ASH1L: variants seen among roughly 807,000 people sequenced by gnomAD.
ASH1L encodes the protein histone-lysine N-methyltransferase ASH1L.
Under a neutral mutation model 269.0 loss-of-function variants are expected in ASH1L, and 23 were observed. The observed-to-expected ratio is 0.09, with a 90% CI of 0.06 to 0.12. ASH1L has a LOEUF of 0.12. Among genes scored for constraint, ASH1L ranks in the 10% least tolerant of loss-of-function variants. The pLI, the probability that ASH1L is intolerant of heterozygous loss-of-function variation, is 1.00. For missense variants in ASH1L, 2,912 were observed against 3,567.8 expected, an observed-to-expected ratio of 0.82 and a Z score of 4.68; for synonymous variants, 1,187 against 1,253.5, an observed-to-expected ratio of 0.95 and a Z score of 1.12.
chr1:155,348,806 G>T (rs573364322), intron 19 of ASH1L, among the ~76,000 whole-genome samples: 2 of 151,606 alleles, frequency 1.3e-5, no homozygotes, highest in Non-Finnish European at 2.9e-5. Flanking sequence ...GCTTGAACCC[G>T]GGAGGTGGAG....
intron 1 of ASH1L, among the ~76,000 whole-genome samples, chr1:155,554,108 A>G (rs1328080945): frequency 6.7e-6 from 1 of 150,290 alleles, no homozygotes; most frequent in East Asian, 2.0e-4. Context: ...CTTTAGAGAC[A>G]GGGTCTCACT....
At chr1:155,427,778 G>A (rs1448824469) in intron 5 of ASH1L, among the ~76,000 whole-genome samples, 4 of 152,102 alleles carry the variant, frequency 2.6e-5, no homozygotes, top group Non-Finnish European at 4.4e-5. Flanking sequence ...CACATCTCAC[G>A]CTGGAATGTA....
chr1:155,396,266 C>T (rs1368898051), intron 6 of ASH1L: 1 of 152,008 alleles, frequency 6.6e-6, no homozygotes, highest in East Asian at 1.9e-4. Flanking sequence ...TTAGAAGAGT[C>T]TCATTTAAGA....
chr1:155,340,477 G>A (rs1213274131), intron 25 of ASH1L, among the ~76,000 whole-genome samples: 1 of 152,050 alleles, frequency 6.6e-6, no homozygotes, highest in Non-Finnish European at 1.5e-5. Context: ...CACCGCGCCT[G>A]GCCCTGGTTA....
chr1:155,473,195 C>G, intron 3 of ASH1L, among the ~76,000 whole-genome samples: 1 of 152,192 alleles, frequency 6.6e-6, no homozygotes, highest in East Asian at 1.9e-4. Context: ...TGAAGAAAGC[C>G]ATAAGCAATG....
At chr1:155,459,739 T>C in intron 4 of ASH1L, 58 bp downstream of exon 4, 1 of 1,368,112 alleles carries the variant, frequency 7.3e-7, no homozygotes, top group East Asian at 2.3e-5. Context: ...TAACTCCTTA[T>C]TCACAAATAA....
intron 7 of ASH1L, among the ~76,000 whole-genome samples, chr1:155,382,961 G>A (rs1256147535): frequency 6.6e-6 from 1 of 152,142 alleles, no homozygotes; most frequent in African/African-American, 2.4e-5. Context: ...GGGCTCAAGC[G>A]ATCTGCCTGC....
At chr1:155,419,867 T>C (rs1054548325) in intron 5 of ASH1L, among the ~76,000 whole-genome samples, 12 of 152,170 alleles carry the variant, frequency 7.9e-5, no homozygotes, top group Non-Finnish European at 1.2e-4. Flanking sequence ...CATTGTGTGA[T>C]TGTCTATATA....
intron 2 of ASH1L, among the ~76,000 whole-genome samples, chr1:155,497,726 T>C (rs928015161): frequency 1.3e-5 from 2 of 151,988 alleles, no homozygotes; most frequent in Non-Finnish European, 2.9e-5. Flanking sequence ...AATGGAATAT[T>C]ATTCAGCCAT....
At position 155,354,461 on chromosome 1, in the gene ASH1L, C is replaced by G; in HGVS notation, c.7213+12G>C. On this transcript the variant is annotated intron_variant, in intron 16 of 27. Transcript: ENST00000392403. ...TCTGTCTCAAAAAAAAGAAATGTTT[C>G]AAATGCCTTACCAGACTTGATATTC... The G allele has an allele frequency of 6.2e-7, 1 of 1,601,596 alleles. No individual in the cohort carries two copies.
Position 155,377,752 on chromosome 1 carries a change from C to T in ASH1L, c.6332+529G>A, listed in dbSNP as rs550218005. On this transcript the variant is annotated intron_variant, in intron 10 of 27. Coordinates refer to ENST00000392403, the MANE Select transcript of ASH1L (RefSeq NM_018489.3). ...AAATAGTAAAAGGATTGGCTGGGCG[C>T]GGTGGCTCACGCCTGTAATCCCAGC... 7.8e-4 allele frequency among the ~76,000 whole-genome samples: 118 copies of T among 152,232 alleles called. 1 individual carries two copies. Among genetic ancestry groups the T allele is most frequent in the Middle Eastern group, 6.8e-3 (2 of 294 alleles).
At chr1:155,523,922 A>T (rs1669060137) in intron 1 of ASH1L, among the ~76,000 whole-genome samples, 1 of 152,210 alleles carries the variant, frequency 6.6e-6, no homozygotes, top group African/African-American at 2.4e-5. Flanking sequence ...ATAAGTACTC[A>T]ACAAATTTTG....
rs111601928 is a variant in ASH1L, at chr1:155,466,581, A to G, written c.4985-6683T>C. On this transcript the variant is annotated intron_variant, in intron 3 of 27. Transcript: ENST00000392403. ...TGTTTTAAATCTTTTTAAAATTGAT[A>G]CATAATAGTTGTACATATTTATTGG... Among the ~76,000 whole-genome samples the G allele has an allele frequency of 7.0e-3, 1,064 of 152,336 alleles. 8 individuals carry two copies. Among genetic ancestry groups the G allele is most frequent in the African/African-American group, 0.024 (1,014 of 41,560 alleles).
intron 1 of ASH1L, among the ~76,000 whole-genome samples, chr1:155,548,062 A>G (rs1307846291): frequency 2.0e-5 from 3 of 152,180 alleles, no homozygotes; most frequent in African/African-American, 7.2e-5. Context: ...AAACTAACAC[A>G]GGAACAGAAA....
intron 2 of ASH1L, among the ~76,000 whole-genome samples, chr1:155,487,311 C>G (rs1191460532): frequency 6.6e-6 from 1 of 151,936 alleles, no homozygotes; most frequent in Non-Finnish European, 1.5e-5. Flanking sequence ...AAAATTATTA[C>G]TCATGGTAAG....
At chr1:155,435,450 C>T (rs1381160263) in intron 5 of ASH1L, among the ~76,000 whole-genome samples, 3 of 152,056 alleles carry the variant, frequency 2.0e-5, no homozygotes, top group Admixed American at 6.6e-5. Context: ...CTGTTAATAG[C>T]GTTATCCATG....
intron 5 of ASH1L, among the ~76,000 whole-genome samples, chr1:155,421,749 G>T (rs532117766): frequency 1.3e-5 from 2 of 151,992 alleles, no homozygotes; most frequent in African/African-American, 4.8e-5. Context: ...TCAGGACAAT[G>T]TGATACTAGC....
chr1:155,408,901 G>A (rs985960666), intron 6 of ASH1L, among the ~76,000 whole-genome samples: 3 of 150,404 alleles, frequency 2.0e-5, no homozygotes, highest in African/African-American at 7.3e-5. Flanking sequence ...GAGTCTATAA[G>A]GTATTCAAAA....
intron 2 of ASH1L, among the ~76,000 whole-genome samples, chr1:155,489,039 T>C (rs1666558184): frequency 6.6e-6 from 1 of 152,244 alleles, no homozygotes; most frequent in Non-Finnish European, 1.5e-5. Flanking sequence ...TGCTGTTTTG[T>C]AGCCCATTTG....
Sources: gnomAD v4.1 joint callset for allele counts (sites outside exome capture counted in the v4.1 genomes callset) on GRCh38, gnomAD v4.1.1 for gene constraint, MANE v1.5 for transcripts, NCBI Gene and HGNC (gene_info 2026-07-23, HGNC 2026-07-21) for gene names.